Variants in SEMA6D observed in about 807,000 individuals in gnomAD.
The protein encoded by SEMA6D is semaphorin 6D, also known as semaphorin-6D.
A neutral mutation model predicts 106.6 loss-of-function variants in SEMA6D; 35 were observed. The observed-to-expected ratio is 0.33, with a 90% CI of 0.25 to 0.44. The LOEUF (loss-of-function observed/expected upper bound fraction) is 0.44. Among genes scored for constraint, SEMA6D ranks in the 20% least tolerant of loss-of-function variants. The pLI, the probability that SEMA6D is intolerant of heterozygous loss-of-function variation, is 1.00. For missense variants in SEMA6D, 1,185 were observed against 1,345.9 expected (o/e 0.88, Z 1.87); for synonymous variants, 499 against 487.7 (o/e 1.02, Z -0.31).
chr15:47,417,640 A>G (rs1238662553), intron 2 of SEMA6D, among the ~76,000 whole-genome samples: 1 of 152,088 alleles, frequency 6.6e-6, no homozygotes, highest in Non-Finnish European at 1.5e-5. Context: ...GTGTTTTTCA[A>G]TGAGCTGTAG....
In SEMA6D at chr15:47,763,124, T is replaced by G; in HGVS notation, c.747+20T>G. Reference sequence around the variant, plus strand: ...GGCAAGGCAAGTATATGCATTTGGCTTGAATTGTGGACTTGTACTGCATGA... The same window carrying G: ...GGCAAGGCAAGTATATGCATTTGGCGTGAATTGTGGACTTGTACTGCATGA... On this transcript the variant is annotated intron_variant, in intron 9 of 18. Transcript: ENST00000536845. The G allele has an allele frequency of 6.3e-7, 1 of 1,584,444 alleles. No individual in the cohort carries two copies. Among genetic ancestry groups the G allele is most frequent in the Non-Finnish European group, 8.6e-7 (1 of 1,156,174 alleles).
intron 4 of SEMA6D, among the ~76,000 whole-genome samples, chr15:47,614,413 CCTT>C (rs1304963698): frequency 2.0e-5 from 3 of 152,190 alleles, no homozygotes; most frequent in Non-Finnish European, 4.4e-5. Context: ...GTGCCAAACT[CCTT>C]CTTTAAGTTG....
chr15:47,661,284 C>T (rs1156689931), intron 4 of SEMA6D, among the ~76,000 whole-genome samples: 3 of 152,180 alleles, frequency 2.0e-5, no homozygotes, highest in Non-Finnish European at 4.4e-5. Flanking sequence ...CTTTCACATC[C>T]TTCTTTTTTA....
chr15:47,314,597 C>CAAAAAAAAA (rs764929520), intron 1 of SEMA6D, among the ~76,000 whole-genome samples: 2 of 24,296 alleles, frequency 8.2e-5, no homozygotes, highest in Non-Finnish European at 1.1e-4. Context: ...GACTCCATCT[C>CAAAAAAAAA]AAAAAAAAAA....
chr15:47,585,183 A>G (rs1337351033), intron 3 of SEMA6D, among the ~76,000 whole-genome samples: 1 of 152,240 alleles, frequency 6.6e-6, no homozygotes, highest in Non-Finnish European at 1.5e-5. Flanking sequence ...CCTTGTAACA[A>G]ACCCTGCACA....
chr15:47,358,613 T>C (rs998985763), intron 1 of SEMA6D, among the ~76,000 whole-genome samples: 6 of 152,302 alleles, frequency 3.9e-5, no homozygotes, highest in Non-Finnish European at 4.4e-5. Flanking sequence ...TGCGTTCCAC[T>C]TTCCTGGTTT....
intron 1 of SEMA6D, among the ~76,000 whole-genome samples, chr15:47,186,219 A>T (rs1398504850): frequency 6.6e-6 from 1 of 152,126 alleles, no homozygotes; most frequent in African/African-American, 2.4e-5. Flanking sequence ...TATCAATCTG[A>T]TGAAGCCTGG....
At chr15:47,760,008 T>G in intron 2 of SEMA6D, 101 bp downstream of exon 2, 1 of 877,316 alleles carries the variant, frequency 1.1e-6, no homozygotes, top group Non-Finnish European at 1.8e-6. Context: ...AGATTTTTTA[T>G]GTCTTAACCT....
chr15:47,419,955 G>A (rs573096901), intron 2 of SEMA6D, among the ~76,000 whole-genome samples: 155 of 152,216 alleles, frequency 1.0e-3, no homozygotes, highest in African/African-American at 3.6e-3. Flanking sequence ...CAGGGCAGGT[G>A]GTGGTGGTGA....
chr15:47,655,453 T>C (rs12591073), intron 4 of SEMA6D, among the ~76,000 whole-genome samples: 50,390 of 152,210 alleles, frequency 0.33, 9,256 homozygotes, highest in East Asian at 0.48. Flanking sequence ...ATAATATGTA[T>C]ATGTGCATTC....
intron 1 of SEMA6D, among the ~76,000 whole-genome samples, chr15:47,308,363 T>TACTGCA (rs1298458934): frequency 1.3e-5 from 2 of 152,182 alleles, no homozygotes; most frequent in Non-Finnish European, 2.9e-5. Context: ...GAATAATATA[T>TACTGCA]ACTGCATCTG....
chr15:47,427,136 A>G (rs2041366917), intron 2 of SEMA6D, among the ~76,000 whole-genome samples: 1 of 152,190 alleles, frequency 6.6e-6, no homozygotes, highest in South Asian at 2.1e-4. Context: ...ATTTAAAGAC[A>G]TGACATTGCA....
intron 1 of SEMA6D, among the ~76,000 whole-genome samples, chr15:47,369,662 T>A (rs1301818042): frequency 6.6e-6 from 1 of 152,262 alleles, no homozygotes; most frequent in African/African-American, 2.4e-5. Flanking sequence ...AAAAGGTTAG[T>A]ACATTAGAAT....
chr15:47,697,796 G>C (rs2078730151), intron 4 of SEMA6D, among the ~76,000 whole-genome samples: 2 of 152,296 alleles, frequency 1.3e-5, no homozygotes. Context: ...CCCCGCCTTA[G>C]GCGAAGGGCT....
chr15:47,465,915 C>T (rs1025474406), intron 2 of SEMA6D, among the ~76,000 whole-genome samples: 1 of 151,982 alleles, frequency 6.6e-6, no homozygotes, highest in African/African-American at 2.4e-5. Flanking sequence ...TATTGGTTTC[C>T]TCCAGGGAAC....
At chr15:47,571,051 G>A (rs2046367993) in intron 3 of SEMA6D, among the ~76,000 whole-genome samples, 1 of 152,130 alleles carries the variant, frequency 6.6e-6, no homozygotes, top group African/African-American at 2.4e-5. Flanking sequence ...CTAGGAAACA[G>A]CAAACTTGAT....
Position 47,504,866 on chromosome 15 carries a change from C to G in SEMA6D, c.-87+34321C>G, listed in dbSNP as rs1797223. Among the ~76,000 whole-genome samples the G allele has an allele frequency of 9.9e-3, 1,502 of 152,234 alleles. 27 individuals are homozygous for G. The highest frequency in any genetic ancestry group is 0.035 in the African/African-American group (1,438 of 41,522). On this transcript the variant is annotated intron_variant, in intron 3 of 19. Coordinates refer to the SEMA6D transcript ENST00000558014. ...CCCGGGGAGTGTCTGCGGGAATCATCTCCATAGTGTTTCTCTTTGTGGAGG... is the reference window on the plus strand; with the variant it reads ...CCCGGGGAGTGTCTGCGGGAATCATGTCCATAGTGTTTCTCTTTGTGGAGG...
At chr15:47,715,726 G>C (rs138392293), upstream of SEMA6D, among the ~76,000 whole-genome samples, 19 of 152,284 alleles carry the variant, frequency 1.2e-4, no homozygotes, top group African/African-American at 4.3e-4. Flanking sequence ...TGGCACTCTG[G>C]AAAGCTGACG....
chr15:47,455,801 G>A (rs1293273043), intron 2 of SEMA6D, among the ~76,000 whole-genome samples: 1 of 151,940 alleles, frequency 6.6e-6, no homozygotes, highest in African/African-American at 2.4e-5. Flanking sequence ...TAAGTTTCAG[G>A]AATGCTTACT....
Sources: allele counts gnomAD v4.1 joint callset (sites outside exome capture counted in the v4.1 genomes callset), GRCh38; gene constraint gnomAD v4.1.1; transcripts MANE v1.5; gene names NCBI Gene and HGNC (gene_info 2026-07-23, HGNC 2026-07-21).